COL19A1: variants seen among roughly 807,000 people sequenced by gnomAD.
The protein encoded by COL19A1 is collagen type XIX alpha 1 chain.
Under a neutral mutation model 190.2 loss-of-function variants are expected in COL19A1, and 159 were observed. The observed-to-expected ratio is 0.84, with a 90% CI of 0.73 to 0.95. COL19A1 has a LOEUF of 0.95. Ranked by LOEUF, COL19A1 falls within the 40% of genes least tolerant of loss-of-function variation. The probability of loss-of-function intolerance (pLI) is 0.00; values close to 1 mark genes in which losing one functional copy is unlikely to be tolerated. For synonymous variants in COL19A1, 509 were observed against 458.9 expected (o/e 1.11, Z -1.39); for missense variants, 1,418 against 1,431.9 (o/e 0.99, Z 0.16).
Position 70,076,480 on chromosome 6 carries a change from A to G in COL19A1, c.1224+8004A>G, listed in dbSNP as rs185746880. Among the ~76,000 whole-genome samples the G allele has an allele frequency of 2.0e-5, 3 of 152,330 alleles. No individual in the cohort carries two copies. The East Asian group carries it at 5.8e-4, about 29-fold the overall frequency. On this transcript the variant is annotated intron_variant, in intron 15 of 50. Coordinates refer to ENST00000620364, the MANE Select transcript of COL19A1 (RefSeq NM_001858.6). ...ATAGGTAGGTACAGCTGATCCCTTT[A>G]TGGTCTCCACACATTGTGATGAGCA...
intron 15 of COL19A1, among the ~76,000 whole-genome samples, chr6:70,089,260 G>A (rs1413491294): frequency 1.3e-5 from 2 of 152,054 alleles, no homozygotes; most frequent in African/African-American, 4.8e-5. Context: ...TTTCTCAGTT[G>A]TTGGTTTGTC....
intron 48 of COL19A1, among the ~76,000 whole-genome samples, chr6:70,192,641 C>G (rs777583276): frequency 6.6e-6 from 1 of 152,120 alleles, no homozygotes; most frequent in African/African-American, 2.4e-5. Context: ...CAGGGGAATA[C>G]TGAAGAATAT....
chr6:69,907,440 A>G (rs1410682696), intron 4 of COL19A1, among the ~76,000 whole-genome samples: 2 of 152,170 alleles, frequency 1.3e-5, no homozygotes, highest in Non-Finnish European at 2.9e-5. Context: ...GATTTTTATC[A>G]TTATAAATAA....
chr6:70,024,588 T>C (rs1778623446), intron 12 of COL19A1, among the ~76,000 whole-genome samples: 1 of 146,780 alleles, frequency 6.8e-6, no homozygotes, highest in Admixed American at 6.9e-5. Flanking sequence ...AAGTCGTGTG[T>C]GTGTGTGTGT....
chr6:70,200,274 A>G (rs577880069), intron 49 of COL19A1, among the ~76,000 whole-genome samples: 1 of 152,320 alleles, frequency 6.6e-6, no homozygotes, highest in East Asian at 1.9e-4. Flanking sequence ...ATGATTTCTA[A>G]AGTTCTTAAA....
chr6:70,062,316 A>T (rs1032515356), intron 14 of COL19A1, among the ~76,000 whole-genome samples: 3 of 152,176 alleles, frequency 2.0e-5, no homozygotes, highest in African/African-American at 7.2e-5. Flanking sequence ...TCTGATTTAA[A>T]AATTAAAATA....
In COL19A1 at chr6:70,190,390, T is replaced by C; in HGVS notation, c.3094+9T>C. On this transcript the variant is annotated intron_variant, in intron 48 of 50. Coordinates refer to ENST00000620364, the MANE Select transcript of COL19A1 (RefSeq NM_001858.6). ...CCTAAGGATTTTTGAAGGTTAGATTTTCTTAATAACATTTTCGAATTTTTC... is the reference window on the plus strand; with the variant it reads ...CCTAAGGATTTTTGAAGGTTAGATTCTCTTAATAACATTTTCGAATTTTTC... The C allele has an allele frequency of 6.3e-7, 1 of 1,575,746 alleles. No homozygotes were observed. The highest frequency in any genetic ancestry group is 8.7e-7 in the Non-Finnish European group (1 of 1,148,514).
At chr6:70,175,920 A>G (rs1039533538) in intron 41 of COL19A1, among the ~76,000 whole-genome samples, 11 of 152,112 alleles carry the variant, frequency 7.2e-5, no homozygotes, top group Admixed American at 2.6e-4. Flanking sequence ...AAAAATTGCC[A>G]TTTTATTATC....
intron 49 of COL19A1, among the ~76,000 whole-genome samples, chr6:70,204,424 A>G (rs1767739363): frequency 6.6e-6 from 1 of 152,224 alleles, no homozygotes; most frequent in Non-Finnish European, 1.5e-5. Flanking sequence ...AGTAGAAAGT[A>G]CTTGTGCAAT....
In COL19A1 at chr6:70,187,408, G is replaced by A. The variant is rs77151737; in HGVS notation, c.2857-667G>A. 4.4e-4 allele frequency among the ~76,000 whole-genome samples: 58 copies of A among 132,794 alleles called. 1 individual carries two copies. The East Asian group carries it at 0.01, about 24-fold the overall frequency. The allele number at this position is 132,794 out of a possible 152,430, so 87.1% of individuals were successfully genotyped here. ...GAGTCTAATAAAGCACAAACAAACA[G>A]GGGAAAGCCAGGGGTGGGGAGAGCA... On this transcript the variant is annotated intron_variant, in intron 46 of 50. Coordinates refer to ENST00000620364, the MANE Select transcript of COL19A1 (RefSeq NM_001858.6).
intron 14 of COL19A1, among the ~76,000 whole-genome samples, chr6:70,049,127 T>G (rs191661957): frequency 2.6e-4 from 40 of 152,106 alleles, no homozygotes; most frequent in African/African-American, 8.9e-4. Context: ...TCTGAGTTAT[T>G]TAGACACTTT....
chr6:69,918,310 A>G (rs898409683), intron 4 of COL19A1, among the ~76,000 whole-genome samples: 2 of 152,198 alleles, frequency 1.3e-5, no homozygotes, highest in African/African-American at 4.8e-5. Flanking sequence ...ACACTATAAC[A>G]GGAGTCCTGG....
rs958243682 is a variant in COL19A1 at position 69,936,906 on chromosome 6, A to G, written c.869A>G (p.Asn290Ser). Residue 290 changes from asparagine (N) to serine (S), a missense_variant, in exon 8 of 51, where the codon AAC becomes AGC. By Grantham distance (46) the Asn-to-Ser change is conservative. Transcript: ENST00000620364. ...ELKDQCQCIP[N>S]KGEAGLPGAP... ...AAAGACCAGTGCCAGTGCATTCCAAACAAGGTATGCTAGTTTTAATTGGTG... is the reference window on the plus strand; with the variant it reads ...AAAGACCAGTGCCAGTGCATTCCAAGCAAGGTATGCTAGTTTTAATTGGTG... The G allele has an allele frequency of 5.6e-6, 9 of 1,612,658 alleles. No homozygotes were observed. The Admixed American group carries it at 1.0e-4, about 18-fold the overall frequency.
At chr6:70,183,051 G>A (rs4544872) in intron 44 of COL19A1, among the ~76,000 whole-genome samples, 61,904 of 151,808 alleles carry the variant, frequency 0.41, 12,916 homozygotes, top group Middle Eastern at 0.51. Context: ...TGAGGAGTGG[G>A]GAGGTGATGC....
chr6:70,150,092 G>C (rs1213571605), intron 30 of COL19A1, 47 bp downstream of exon 30: 1 of 1,596,118 alleles, frequency 6.3e-7, no homozygotes, highest in Non-Finnish European at 8.6e-7. Context: ...AATGCACCCA[G>C]AAGCCAAACA....
At position 70,144,274 on chromosome 6, in the gene COL19A1, C is replaced by T. The variant is rs780167297; in HGVS notation, c.1680+11C>T. On this transcript the variant is annotated intron_variant, in intron 24 of 50. Transcript: ENST00000620364. ...ATTAAAGGAGAAAAGGTATAGTTTACATTTTCCTCATTTTATATGTTAAGT... is the reference window on the plus strand; with the variant it reads ...ATTAAAGGAGAAAAGGTATAGTTTATATTTTCCTCATTTTATATGTTAAGT... The T allele has an allele frequency of 6.2e-7, 1 of 1,606,862 alleles. No individual in the cohort carries two copies. Among genetic ancestry groups the T allele is most frequent in the Admixed American group, 1.7e-5 (1 of 59,514 alleles).
chr6:70,173,225 T>C (rs1765599617), intron 41 of COL19A1, among the ~76,000 whole-genome samples: 1 of 152,184 alleles, frequency 6.6e-6, no homozygotes, highest in African/African-American at 2.4e-5. Context: ...GTAGGCAGTC[T>C]GATATAAAAG....
intron 48 of COL19A1, among the ~76,000 whole-genome samples, chr6:70,191,381 T>C (rs958519936): frequency 6.6e-6 from 1 of 152,222 alleles, no homozygotes; most frequent in Admixed American, 6.5e-5. Flanking sequence ...TCATATCTTG[T>C]TCCAACCTGA....
At chr6:70,112,951 T>A (rs1485543371) in intron 16 of COL19A1, among the ~76,000 whole-genome samples, 1 of 152,216 alleles carries the variant, frequency 6.6e-6, no homozygotes, top group Admixed American at 6.5e-5. Context: ...GGGAACGAGT[T>A]TGAAAAATGT....
Sources: allele counts gnomAD v4.1 joint callset (sites outside exome capture counted in the v4.1 genomes callset), GRCh38; gene constraint gnomAD v4.1.1; transcripts MANE v1.5; gene names NCBI Gene and HGNC (gene_info 2026-07-23, HGNC 2026-07-21).